SUV39H1: variants seen among roughly 807,000 people sequenced by gnomAD.
The protein encoded by SUV39H1 is histone-lysine N-methyltransferase SUV39H1.
For synonymous variants in SUV39H1, 141 were observed against 150.5 expected (o/e 0.94, Z 0.46); for missense variants, 180 against 386.3 (o/e 0.47, Z 4.48).
At chrX:48,695,982 A>G, upstream of SUV39H1, 4 of 1,011,792 alleles carry the variant, frequency 4.0e-6, no homozygotes, top group Middle Eastern at 1.0e-3. Flanking sequence ...TGAGGGAAAG[A>G]CAGTGACCAA....
chrX:48,700,406 G>A lies in SUV39H1; in HGVS notation c.481G>A (p.Val161Met). The A allele has an allele frequency of 3.3e-6, 4 of 1,212,155 alleles. No homozygotes were observed. The highest frequency in any genetic ancestry group is 4.5e-6 in the Non-Finnish European group (4 of 895,566). The change falls in exon 3 of 6, where the codon GTG becomes ATG. Residue 161 changes from valine to methionine, a missense_variant. Coordinates refer to ENST00000376687, the MANE Select transcript of SUV39H1 (RefSeq NM_003173.4). The stretch of plus-strand genomic sequence containing the variant: ...CCTGGACGGCCCTCCGCGGGCCTTC[G>A]TGTACATCAATGAGTACCGTGTTGG... Reference protein sequence around the residue: ...VDLDGPPRAFVYINEYRVGEG... With the variant: ...VDLDGPPRAFMYINEYRVGEG...
chrX:48,705,931 G>A (rs782228994), intron 3 of SUV39H1, among the ~76,000 whole-genome samples: 2 of 112,738 alleles, frequency 1.8e-5, no homozygotes, highest in South Asian at 3.6e-4. Flanking sequence ...TTCCTGCTCC[G>A]TCCCAAGGCA....
intron 5 of SUV39H1, among the ~76,000 whole-genome samples, chrX:48,706,931 C>T (rs995356294): frequency 9.0e-6 from 1 of 110,628 alleles, no homozygotes; most frequent in African/African-American, 3.3e-5. Flanking sequence ...CCCCCAGCCC[C>T]TCCCCACTCC....
At position 48,706,228 on chromosome X, in the gene SUV39H1, G is replaced by A. The variant is rs782286731; in HGVS notation, c.829-37G>A. 28 of 1,185,356 alleles carry A rather than the reference G, an allele frequency of 2.4e-5. No homozygotes were observed. In the Admixed American group the frequency reaches 2.6e-4, roughly 11 times the overall value. On this transcript the variant is annotated intron_variant, in intron 3 of 5. Transcript: ENST00000376687. ...GCAGTGCCGGCTTTCCTGAGACTTC[G>A]CGGCCAATCTCCCCTTACCCATGGC...
rs1200860484 is a variant in SUV39H1, at chrX:48,708,093, C to G, written c.*523C>G. ...TAGTGAAAGAAAGGGGGTCCCTGGG[C>G]TACGGGCTGAGGCTGGTTTCTGCTC... On this transcript the variant is annotated 3_prime_UTR_variant, in exon 6 of 6. Coordinates refer to ENST00000376687, the MANE Select transcript of SUV39H1 (RefSeq NM_003173.4). The G allele has an allele frequency of 9.2e-6, 2 of 217,099 alleles. No individual in the cohort carries two copies. Among genetic ancestry groups the G allele is most frequent in the Non-Finnish European group, 1.7e-5 (2 of 118,128 alleles). The allele number at this position is 217,099 out of a possible 1,213,427, so 17.9% of individuals were successfully genotyped here. A position where few individuals can be genotyped will look rare whatever the true frequency, so the allele number is the denominator to read the frequency against.
At chrX:48,702,186 G>A (rs2062477198) in intron 3 of SUV39H1, among the ~76,000 whole-genome samples, 1 of 112,362 alleles carries the variant, frequency 8.9e-6, no homozygotes, top group African/African-American at 3.2e-5. Context: ...GAGGAGGTGG[G>A]GAGGTGTCCA....
At chrX:48,698,121 A>G (rs2062462478) in intron 1 of SUV39H1, among the ~76,000 whole-genome samples, 2 of 112,460 alleles carry the variant, frequency 1.8e-5, no homozygotes, top group South Asian at 3.7e-4. Context: ...TCTCTTGCTC[A>G]TAATTCCGAA....
upstream of SUV39H1, chrX:48,695,852 A>T (rs1557008454): frequency 8.7e-7 from 1 of 1,155,911 alleles, no homozygotes; most frequent in South Asian, 1.9e-5. Flanking sequence ...GAAATGACAG[A>T]CTGGCTGACC....
intron 2 of SUV39H1, among the ~76,000 whole-genome samples, chrX:48,699,791 C>T (rs1391371247): frequency 6.3e-5 from 7 of 110,938 alleles, no homozygotes; most frequent in African/African-American, 2.3e-4. Context: ...CCAGGAGTTC[C>T]GGTCTGAACA....
chrX:48,696,844 C>T, intron 1 of SUV39H1, 41 bp downstream of exon 1: 5 of 1,076,087 alleles, frequency 4.6e-6, no homozygotes, highest in East Asian at 4.1e-5. Context: ...GCTGGCCGGG[C>T]CGGGTGGGCT....
upstream of SUV39H1, chrX:48,695,741 C>G: frequency 8.7e-7 from 1 of 1,150,519 alleles, no homozygotes; most frequent in Non-Finnish European, 1.2e-6. Flanking sequence ...CTGTCTGACT[C>G]GATGGCTGTA....
At position 48,707,613 on chromosome X, in the gene SUV39H1, C is replaced by T. The variant is rs782146052; in HGVS notation, c.*43C>T. 1.2e-5 allele frequency: 14 copies of T among 1,196,270 alleles called. No individual in the cohort carries two copies. The South Asian group carries it at 2.5e-4, about 21-fold the overall frequency. On this transcript the variant is annotated 3_prime_UTR_variant, in exon 6 of 6. Transcript: ENST00000376687. ...CCAGACTGACTGAGGGGGCCTGAAG[C>T]TACATGCACCTCCCCCACTGCTGCC...
Position 48,708,479 on chromosome X carries a change from G to C in SUV39H1, c.*909G>C, listed in dbSNP as rs1246671778. The C allele has an allele frequency of 8.9e-6, 1 of 112,798 alleles. No homozygotes were observed. 9.3% of individuals were successfully genotyped at this position (112,798 alleles called of 1,213,427 possible). On this transcript the variant is annotated 3_prime_UTR_variant, in exon 6 of 6. Coordinates refer to ENST00000376687, the MANE Select transcript of SUV39H1 (RefSeq NM_003173.4). ...TTGATGGGGTGGTGATGAGGTGCCA[G>C]GCACTGGGTAGAGCACCTGGTCCAC...
chrX:48,697,268 G>A (rs2062459856), intron 1 of SUV39H1, among the ~76,000 whole-genome samples: 1 of 111,951 alleles, frequency 8.9e-6, no homozygotes, highest in Non-Finnish European at 1.9e-5. Flanking sequence ...GCGTGATGGG[G>A]GAAGGGTTTG....
At chrX:48,696,519 C>G (rs2062455641), upstream of SUV39H1, 4 of 298,662 alleles carry the variant, frequency 1.3e-5, no homozygotes, top group East Asian at 2.9e-4. Context: ...AGCGCACGGG[C>G]AGGGCCTCTG....
At chrX:48,703,115 C>T (rs1319687230) in intron 3 of SUV39H1, among the ~76,000 whole-genome samples, 1 of 112,456 alleles carries the variant, frequency 8.9e-6, no homozygotes, top group Non-Finnish European at 1.9e-5. Flanking sequence ...GGAAAAAGCA[C>T]TTGAACAGTG....
upstream of SUV39H1, chrX:48,695,568 G>A (rs1012165451): frequency 9.3e-6 from 10 of 1,069,604 alleles, no homozygotes; most frequent in African/African-American, 1.5e-4. Context: ...AACTATCCAC[G>A]CTGCTCGAAT....
intron 3 of SUV39H1, among the ~76,000 whole-genome samples, chrX:48,702,963 C>T (rs1455773601): frequency 4.5e-5 from 5 of 111,608 alleles, no homozygotes; most frequent in African/African-American, 1.6e-4. Context: ...CCTGACTGCC[C>T]GAGGCTGAAT....
intron 5 of SUV39H1, 22 bp downstream of exon 5, chrX:48,706,649 G>A: frequency 8.4e-7 from 1 of 1,186,688 alleles, no homozygotes; most frequent in Non-Finnish European, 1.1e-6. Flanking sequence ...AAGGGACTGG[G>A]GGCAGGGGCG....
Sources: allele counts gnomAD v4.1 joint callset (sites outside exome capture counted in the v4.1 genomes callset), GRCh38; gene constraint gnomAD v4.1.1; transcripts MANE v1.5; gene names NCBI Gene and HGNC (gene_info 2026-07-23, HGNC 2026-07-21).